HIVEP3: variants seen among roughly 807,000 people sequenced by gnomAD.
The protein encoded by HIVEP3 is HIVEP zinc finger 3.
HIVEP3 carries 49 observed loss-of-function variants against 152.8 expected under a neutral mutation model. That is an observed-to-expected ratio of 0.32 (90% CI 0.26 to 0.41). The LOEUF is 0.41. HIVEP3 is among the 10% of genes least tolerant of loss of function. HIVEP3 has a pLI of 1.00. For synonymous variants in HIVEP3, 1,269 were observed against 1,289.0 expected, an observed-to-expected ratio of 0.98 and a Z score of 0.33; for missense variants, 2,790 against 3,103.3, an observed-to-expected ratio of 0.90 and a Z score of 2.40.
At chr1:41,802,781 C>T (rs1414111309) in intron 1 of HIVEP3, among the ~76,000 whole-genome samples, 2 of 152,128 alleles carry the variant, frequency 1.3e-5, no homozygotes, top group Non-Finnish European at 2.9e-5. Context: ...CTCTCTTCCT[C>T]CCTTCTGTCC....
chr1:41,801,587 CCT>C (rs1650304057), intron 1 of HIVEP3, among the ~76,000 whole-genome samples: 1 of 151,914 alleles, frequency 6.6e-6, no homozygotes, highest in East Asian at 1.9e-4. Flanking sequence ...TAATAATGCC[CCT>C]AGGGAATCAG....
At chr1:42,001,869 C>T (rs1283472129) in intron 1 of HIVEP3, among the ~76,000 whole-genome samples, 2 of 150,640 alleles carry the variant, frequency 1.3e-5, no homozygotes, top group Non-Finnish European at 2.9e-5. Context: ...TCTCAGGAAC[C>T]CCAAACATTC....
intron 5 of HIVEP3, among the ~76,000 whole-genome samples, chr1:41,526,905 TCATATCTC>T (rs1642964031): frequency 1.6e-5 from 2 of 121,270 alleles, no homozygotes; most frequent in Non-Finnish European, 3.4e-5. Flanking sequence ...TAAAACATGC[TCATATCTC>T]CACACACACC....
chr1:42,015,263 T>A lies in HIVEP3; in HGVS notation n.119+20544A>T, dbSNP rs1265860400. Reference sequence around the variant, plus strand: ...GTTCTCTAATCATCTTAATTTATAATGCAACCCTCTGTTAGAGACTAATTC... The same window carrying A: ...GTTCTCTAATCATCTTAATTTATAAAGCAACCCTCTGTTAGAGACTAATTC... On this transcript the variant is annotated intron_variant and non_coding_transcript_variant, in intron 1 of 3. Coordinates refer to the HIVEP3 transcript ENST00000489103. Among the ~76,000 whole-genome samples, 5 of 152,244 alleles carry A rather than the reference T, an allele frequency of 3.3e-5. No individual in the cohort carries two copies. The East Asian group carries it at 9.6e-4, about 29-fold the overall frequency.
At chr1:41,686,596 T>G (rs562730291) in intron 2 of HIVEP3, among the ~76,000 whole-genome samples, 27 of 152,302 alleles carry the variant, frequency 1.8e-4, no homozygotes, top group Non-Finnish European at 2.8e-4. Flanking sequence ...GAGAGTGTGC[T>G]GTGTACTTCT....
intron 1 of HIVEP3, among the ~76,000 whole-genome samples, chr1:41,715,836 G>C (rs1302687519): frequency 6.6e-6 from 1 of 152,206 alleles, no homozygotes; most frequent in Non-Finnish European, 1.5e-5. Flanking sequence ...AGCCCTGTCT[G>C]CCAGGAGAAA....
chr1:41,969,939 C>T (rs1446885431), intron 1 of HIVEP3, among the ~76,000 whole-genome samples: 1 of 151,934 alleles, frequency 6.6e-6, no homozygotes, highest in South Asian at 2.1e-4. Context: ...ATGTGGCCAA[C>T]AAGCATGAAA....
intron 1 of HIVEP3, among the ~76,000 whole-genome samples, chr1:42,017,505 T>G (rs925130360): frequency 1.3e-5 from 2 of 152,156 alleles, no homozygotes; most frequent in African/African-American, 4.8e-5. Flanking sequence ...TATCCTGATT[T>G]CTATTACCAG....
chr1:41,882,906 G>C (rs1644286206), intron 1 of HIVEP3, among the ~76,000 whole-genome samples: 1 of 152,160 alleles, frequency 6.6e-6, no homozygotes, highest in Admixed American at 6.5e-5. Flanking sequence ...GTTGTAAGCA[G>C]GGTTAAAGGC....
chr1:41,687,616 G>A (rs998039614), intron 2 of HIVEP3, among the ~76,000 whole-genome samples: 1 of 152,218 alleles, frequency 6.6e-6, no homozygotes, highest in African/African-American at 2.4e-5. Flanking sequence ...TGCAGCAAAC[G>A]CACACACTTA....
chr1:41,927,247 C>T (rs990712407), intron 1 of HIVEP3, among the ~76,000 whole-genome samples: 1 of 152,168 alleles, frequency 6.6e-6, no homozygotes. Context: ...CCCAATTGGG[C>T]ACCCTTGGGA....
chr1:41,661,708 C>G (rs940231808), intron 2 of HIVEP3, among the ~76,000 whole-genome samples: 1 of 152,232 alleles, frequency 6.6e-6, no homozygotes, highest in Admixed American at 6.5e-5. Flanking sequence ...TTCAGCAGCT[C>G]CCGCCGGGTG....
In HIVEP3 at chr1:41,749,534, T is replaced by C. The variant is rs746883235; in HGVS notation, c.-800-48539A>G. Among the ~76,000 whole-genome samples the C allele has an allele frequency of 2.4e-4, 36 of 152,182 alleles. 1 individual carries two copies. The highest frequency in any genetic ancestry group is 3.4e-3 in the Middle Eastern group (1 of 294). On this transcript the variant is annotated intron_variant, in intron 1 of 8. Transcript: ENST00000372583. Reference sequence around the variant, plus strand: ...ACATAGTTTCACTGAGGCTCCTTCATTCCTAAGAAAATTTAGAAATGCTAT... The same window carrying C: ...ACATAGTTTCACTGAGGCTCCTTCACTCCTAAGAAAATTTAGAAATGCTAT...
chr1:41,800,172 C>T lies in HIVEP3; in HGVS notation c.-800-99177G>A, dbSNP rs114603240. On this transcript the variant is annotated intron_variant, in intron 1 of 8. Coordinates refer to ENST00000372583, the MANE Select transcript of HIVEP3 (RefSeq NM_024503.5). ...TGAAAGAGGATATAGTAAACTATTG[C>T]TAAACTGTCCCAGGCCCTTTGCAAT... Among the ~76,000 whole-genome samples, 374 of 152,340 alleles carry T rather than the reference C, an allele frequency of 2.5e-3. 1 individual carries two copies. The highest frequency in any genetic ancestry group is 3.6e-3 in the Non-Finnish European group (246 of 68,034).
At chr1:41,524,002 C>A (rs1401004829) in intron 6 of HIVEP3, among the ~76,000 whole-genome samples, 1 of 152,230 alleles carries the variant, frequency 6.6e-6, no homozygotes, top group African/African-American at 2.4e-5. Context: ...TTTGTCCACA[C>A]CAGGGGCCTG....
chr1:41,625,310 T>G (rs1015155827), intron 3 of HIVEP3, among the ~76,000 whole-genome samples: 2 of 152,106 alleles, frequency 1.3e-5, no homozygotes, highest in Admixed American at 1.3e-4. Context: ...GTCAGCAAAC[T>G]TCTTCTGTAA....
rs1461184363 is a variant in HIVEP3, at chr1:41,533,319, C to T, written c.5208-8409G>A. Among the ~76,000 whole-genome samples, 1 of 152,124 alleles carries T rather than the reference C, an allele frequency of 6.6e-6. No individual in the cohort carries two copies. The highest frequency in any genetic ancestry group is 1.5e-5 in the Non-Finnish European group (1 of 68,012). On this transcript the variant is annotated intron_variant, in intron 5 of 8. Coordinates refer to ENST00000372583, the MANE Select transcript of HIVEP3 (RefSeq NM_024503.5). The surrounding 1 kb of genome is among the most constrained non-coding windows in gnomAD (Gnocchi z 4.3). ...TGCCAGAGCCCACCCCACCCACTGT[C>T]CTCTCCCACAGCTTCCCAGCAGTGT... is the stretch of plus-strand genomic sequence containing the variant.
chr1:41,619,648 G>A (rs1645018376), intron 3 of HIVEP3, among the ~76,000 whole-genome samples: 1 of 152,178 alleles, frequency 6.6e-6, no homozygotes, highest in Non-Finnish European at 1.5e-5. Context: ...TGACTGGTAT[G>A]GGTGTTAGGA....
intron 1 of HIVEP3, among the ~76,000 whole-genome samples, chr1:41,950,649 A>C (rs1645101690): frequency 1.3e-5 from 2 of 152,148 alleles, no homozygotes; most frequent in African/African-American, 4.8e-5. Context: ...TTTACTTCTG[A>C]CTTTGTTTTA....
Sources: gnomAD v4.1 joint callset for allele counts (sites outside exome capture counted in the v4.1 genomes callset) on GRCh38, gnomAD v4.1.1 for gene constraint, Gnocchi (gnomAD v3.1) non-coding constraint, MANE v1.5 for transcripts, NCBI Gene and HGNC (gene_info 2026-07-23, HGNC 2026-07-21) for gene names.